The following TBC1D2 variants were observed in gnomAD, a reference collection of about 807,000 sequenced individuals.
TBC1D2 encodes the protein TBC1 domain family member 2A.
In TBC1D2, 58 loss-of-function variants were observed where a neutral mutation model predicts 91.1. The ratio of observed to expected loss-of-function variants is 0.64; its 90% CI spans 0.52 to 0.79. The LOEUF is 0.79. Ranked by LOEUF, TBC1D2 falls within the 30% of genes least tolerant of loss-of-function variation. TBC1D2 has a pLI of 0.00. For missense variants in TBC1D2, 1,080 were observed against 1,208.3 expected, an observed-to-expected ratio of 0.89 and a Z score of 1.57; for synonymous variants, 482 against 511.5, an observed-to-expected ratio of 0.94 and a Z score of 0.78.
Position 98,231,279 on chromosome 9 carries a change from C to CTTTTTTTTTT in TBC1D2, c.781+2127_782-2132dup, listed in dbSNP as rs35195996. On this transcript the variant is annotated intron_variant, in intron 4 of 12. Transcript: ENST00000465784. ...GACTCCAACTCCAGCCTCAACTCTG[C>CTTTTTTTTTT]TTTTTTTTTTTTTTTTTTTTTTTTT... Among the ~76,000 whole-genome samples the CTTTTTTTTTT allele has an allele frequency of 3.5e-4, 27 of 76,710 alleles. 1 individual carries two copies. The highest frequency in any genetic ancestry group is 1.1e-3 in the African/African-American group (19 of 18,030). The allele number at this position is 76,710 out of a possible 152,430, so 50.3% of individuals were successfully genotyped here. A position where few individuals can be genotyped will look rare whatever the true frequency, so the allele number is the denominator to read the frequency against.
chr9:98,219,751 TGACAG>T, intron 6 of TBC1D2, among the ~76,000 whole-genome samples: 1 of 152,228 alleles, frequency 6.6e-6, no homozygotes, highest in East Asian at 1.9e-4. Flanking sequence ...TGTCACTATG[TGACAG>T]GGATTTTTCT....
chr9:98,252,683 CCCATA>C lies in TBC1D2; in HGVS notation c.370-762_370-758del, dbSNP rs199831161. ...CCAGGCATGTGGTGGTAGAACTAGT[CCCATA>C]ACCCTGGTCTAGAAGTTGGATTTTA... On this transcript the variant is annotated intron_variant, in intron 1 of 12. Coordinates refer to ENST00000465784, the MANE Select transcript of TBC1D2 (RefSeq NM_001267571.2). Among the ~76,000 whole-genome samples, 759 of 152,310 alleles carry C rather than the reference CCCATA, an allele frequency of 5.0e-3. 8 individuals are homozygous for C. Among genetic ancestry groups the C allele is most frequent in the African/African-American group, 0.017 (704 of 41,560 alleles).
At chr9:98,244,885 A>T (rs901800657) in intron 2 of TBC1D2, among the ~76,000 whole-genome samples, 2 of 152,172 alleles carry the variant, frequency 1.3e-5, no homozygotes, top group Admixed American at 1.3e-4. Context: ...AACAATGTGA[A>T]TAAATACTTA....
Position 98,228,444 on chromosome 9 carries a change from G to A in TBC1D2, c.978+508C>T, listed in dbSNP as rs1829286411. ...CGTAATTAACTTCTTACCATATTAA[G>A]CCCAAATATTCCTTTCACTGTTTCT... On this transcript the variant is annotated intron_variant, in intron 5 of 12. Transcript: ENST00000465784. This position sits in a 1 kb window ranked among gnomAD's most constrained non-coding sequence, Gnocchi z 4.0. Among the ~76,000 whole-genome samples, 1 of 152,160 alleles carries A rather than the reference G, an allele frequency of 6.6e-6. No homozygotes were observed. Among genetic ancestry groups the A allele is most frequent in the African/African-American group, 2.4e-5 (1 of 41,442 alleles).
chr9:98,221,542 C>T (rs545495965), intron 5 of TBC1D2, among the ~76,000 whole-genome samples: 15 of 152,296 alleles, frequency 9.8e-5, no homozygotes, highest in African/African-American at 3.4e-4. Context: ...CCACTAGATA[C>T]ACGCTCCTCT....
chr9:98,210,259 G>T (rs148479133), intron 8 of TBC1D2, among the ~76,000 whole-genome samples: 2 of 152,182 alleles, frequency 1.3e-5, no homozygotes, highest in Admixed American at 1.3e-4. Context: ...AGGGGCCTTC[G>T]AGCATAGCCA....
At chr9:98,203,511 A>G in intron 9 of TBC1D2, 103 bp from the exon 10 acceptor site, 1 of 1,518,462 alleles carries the variant, frequency 6.6e-7, no homozygotes, top group African/African-American at 1.4e-5. Context: ...AAGTCCTTCC[A>G]TGTGAGCATC....
At chr9:98,236,872 T>C (rs765772097) in intron 3 of TBC1D2, among the ~76,000 whole-genome samples, 2 of 152,052 alleles carry the variant, frequency 1.3e-5, no homozygotes, top group Non-Finnish European at 2.9e-5. Flanking sequence ...AAAATAGCAG[T>C]TGGGGATATG....
intron 3 of TBC1D2, among the ~76,000 whole-genome samples, chr9:98,236,255 A>G (rs1000115465): frequency 2.7e-5 from 4 of 149,552 alleles, no homozygotes; most frequent in African/African-American, 9.9e-5. Context: ...ATGGAGTCTC[A>G]CTCTGTCACC....
chr9:98,202,480 A>C (rs985070926), intron 10 of TBC1D2, among the ~76,000 whole-genome samples: 4 of 152,038 alleles, frequency 2.6e-5, no homozygotes, highest in African/African-American at 9.7e-5. Flanking sequence ...CTCCTCCCTC[A>C]CCCAGAACCT....
intron 3 of TBC1D2, among the ~76,000 whole-genome samples, chr9:98,243,354 T>C (rs754862806): frequency 3.7e-4 from 56 of 152,054 alleles, no homozygotes; most frequent in Non-Finnish European, 4.1e-4. Flanking sequence ...GTCTGGGTGG[T>C]AGGATTATGG....
At chr9:98,220,740 C>T (rs1250556657) in intron 6 of TBC1D2, 93 bp downstream of exon 6, 1 of 1,503,722 alleles carries the variant, frequency 6.7e-7, no homozygotes, top group Non-Finnish European at 9.0e-7. Context: ...CCCCACTCCA[C>T]CTAGCAAACC....
chr9:98,206,842 GC>G (rs1319643960), intron 9 of TBC1D2, among the ~76,000 whole-genome samples: 4 of 152,200 alleles, frequency 2.6e-5, no homozygotes, highest in African/African-American at 9.7e-5. Context: ...CATCCAAGAG[GC>G]CCCCATTATG....
chr9:98,203,516 A>C (rs1318920184), intron 9 of TBC1D2, 108 bp from the exon 10 acceptor site: 12 of 1,494,672 alleles, frequency 8.0e-6, no homozygotes, highest in Non-Finnish European at 1.1e-5. Flanking sequence ...CTTCCATGTG[A>C]GCATCAGTGC....
chr9:98,255,069 A>G, intron 1 of TBC1D2, 104 bp downstream of exon 1: 4 of 1,485,568 alleles, frequency 2.7e-6, no homozygotes, highest in Non-Finnish European at 3.6e-6. Context: ...GTCGTCACCG[A>G]CACTCCAAAT....
intron 2 of TBC1D2, among the ~76,000 whole-genome samples, chr9:98,248,960 G>A (rs1027146087): frequency 5.3e-5 from 8 of 152,202 alleles, no homozygotes; most frequent in Admixed American, 5.2e-4. Context: ...GAGCAGTGAC[G>A]AGACACTTTT....
At chr9:98,244,169 T>A (rs199818034) in intron 2 of TBC1D2, 40 bp from the exon 3 acceptor site, 2 of 1,608,384 alleles carry the variant, frequency 1.2e-6, no homozygotes, top group Admixed American at 1.7e-5. Context: ...GCTGGGTCAC[T>A]GCACTTGGAA....
intron 5 of TBC1D2, among the ~76,000 whole-genome samples, chr9:98,226,257 G>A (rs1829231212): frequency 6.6e-6 from 1 of 152,240 alleles, no homozygotes. Context: ...TCACTGCTAT[G>A]GCCCCACGGC....
intron 6 of TBC1D2, among the ~76,000 whole-genome samples, chr9:98,213,707 A>G (rs898773761): frequency 5.9e-5 from 9 of 152,250 alleles, no homozygotes; most frequent in South Asian, 2.1e-4. Context: ...AAACCTTTCA[A>G]TGTTGCTACA....
Sources: allele counts gnomAD v4.1 joint callset (sites outside exome capture counted in the v4.1 genomes callset), GRCh38; gene constraint gnomAD v4.1.1; non-coding constraint Gnocchi (gnomAD v3.1); transcripts MANE v1.5; gene names NCBI Gene and HGNC (gene_info 2026-07-23, HGNC 2026-07-21).